Variants in WWOX observed in about 807,000 individuals in gnomAD.
WWOX encodes the protein WW domain containing oxidoreductase.
In WWOX, 69 loss-of-function variants were observed where a neutral mutation model predicts 46.2. The observed-to-expected ratio is 1.49, with a 90% CI of 1.23 to 1.82. WWOX has a LOEUF of 1.82. Ranked by LOEUF, WWOX falls within the 40% of genes most tolerant of loss-of-function variation. WWOX has a pLI of 0.00. For missense variants in WWOX, 919 were observed against 542.6 expected (o/e 1.69, Z -6.89); for synonymous variants, 359 against 202.6 (o/e 1.77, Z -6.56).
At chr16:78,219,359 G>A (rs973524109) in intron 5 of WWOX, among the ~76,000 whole-genome samples, 5 of 152,162 alleles carry the variant, frequency 3.3e-5, no homozygotes, top group Admixed American at 6.5e-5. Context: ...AGAAAAAGTC[G>A]TAGGTTATGA....
At chr16:78,777,633 A>G (rs917016674) in intron 8 of WWOX, among the ~76,000 whole-genome samples, 1 of 152,186 alleles carries the variant, frequency 6.6e-6, no homozygotes, top group Non-Finnish European at 1.5e-5. Flanking sequence ...TTTTTGCAAT[A>G]GTCAAAAAAG....
chr16:78,711,262 A>T (rs2048439065), intron 8 of WWOX, among the ~76,000 whole-genome samples: 2 of 152,218 alleles, frequency 1.3e-5, no homozygotes, highest in African/African-American at 4.8e-5. Context: ...ATGTGGATGT[A>T]TATATACGTT....
At chr16:78,800,986 C>A (rs896204330) in intron 8 of WWOX, among the ~76,000 whole-genome samples, 8 of 151,884 alleles carry the variant, frequency 5.3e-5, no homozygotes, top group African/African-American at 1.7e-4. Flanking sequence ...CAAACTATCA[C>A]CCCATGTAAT....
At chr16:78,576,439 G>T (rs1292866435) in intron 8 of WWOX, among the ~76,000 whole-genome samples, 1 of 152,208 alleles carries the variant, frequency 6.6e-6, no homozygotes, top group Non-Finnish European at 1.5e-5. Flanking sequence ...CTTGTCTGGA[G>T]GCGTTGGGCT....
intron 8 of WWOX, among the ~76,000 whole-genome samples, chr16:78,800,877 T>G (rs986416613): frequency 7.9e-5 from 12 of 152,236 alleles, no homozygotes; most frequent in African/African-American, 2.9e-4. Flanking sequence ...AGTCTGATAG[T>G]TTAGAAAGCT....
At chr16:78,451,159 C>T (rs902849885) in intron 8 of WWOX, among the ~76,000 whole-genome samples, 4 of 152,162 alleles carry the variant, frequency 2.6e-5, no homozygotes, top group Admixed American at 6.5e-5. Flanking sequence ...AGGCCGATTT[C>T]ATCCAAAGCC....
At chr16:78,545,259 C>G (rs749875844) in intron 8 of WWOX, among the ~76,000 whole-genome samples, 1 of 152,068 alleles carries the variant, frequency 6.6e-6, no homozygotes. Flanking sequence ...ATGTCCAGCC[C>G]CAACTCAGGG....
intron 8 of WWOX, among the ~76,000 whole-genome samples, chr16:78,515,718 C>A (rs1248888391): frequency 6.6e-6 from 1 of 152,184 alleles, no homozygotes; most frequent in Non-Finnish European, 1.5e-5. Context: ...CTGCGCGTTG[C>A]CCGTTGCCCT....
At chr16:78,929,313 C>T (rs1481806005) in intron 8 of WWOX, among the ~76,000 whole-genome samples, 3 of 151,720 alleles carry the variant, frequency 2.0e-5, no homozygotes, top group Admixed American at 2.0e-4. Flanking sequence ...CTCAAGTGTC[C>T]AATAAAAAGC....
At position 78,470,136 on chromosome 16, in the gene WWOX, C is replaced by G. The variant is rs187275057; in HGVS notation, c.1056+37384C>G. Among the ~76,000 whole-genome samples the G allele has an allele frequency of 8.2e-3, 1,245 of 152,296 alleles. 15 individuals carry two copies. The highest frequency in any genetic ancestry group is 8.9e-3 in the Non-Finnish European group (604 of 68,034). The stretch of plus-strand genomic sequence containing the variant: ...CTCAAGCTCTTTTCATCTTGTGGCT[C>G]AGCCGTCTGACACATGTGGCTTCCA... On this transcript the variant is annotated intron_variant, in intron 8 of 8. Coordinates refer to ENST00000566780, the MANE Select transcript of WWOX (RefSeq NM_016373.4).
intron 8 of WWOX, among the ~76,000 whole-genome samples, chr16:78,533,422 A>G (rs919486288): frequency 3.3e-5 from 5 of 151,960 alleles, no homozygotes; most frequent in African/African-American, 1.2e-4. Flanking sequence ...AAAAAAAAAA[A>G]AAATCCCCAA....
intron 4 of WWOX, among the ~76,000 whole-genome samples, chr16:78,163,286 T>A (rs2034858140): frequency 6.6e-6 from 1 of 152,226 alleles, no homozygotes; most frequent in African/African-American, 2.4e-5. Context: ...ATCACTTTAA[T>A]CAAACTAGGA....
intron 8 of WWOX, among the ~76,000 whole-genome samples, chr16:79,038,908 G>A (rs571364983): frequency 2.6e-5 from 4 of 152,152 alleles, no homozygotes; most frequent in Non-Finnish European, 4.4e-5. Flanking sequence ...AGCATACATA[G>A]AGGATAACTT....
intron 8 of WWOX, among the ~76,000 whole-genome samples, chr16:78,751,856 GA>G (rs1299919248): frequency 6.6e-6 from 1 of 151,980 alleles, no homozygotes; most frequent in Non-Finnish European, 1.5e-5. Context: ...GGGAAGGTAA[GA>G]AAGAAATTAA....
At chr16:78,812,445 G>A (rs1387928965) in intron 8 of WWOX, among the ~76,000 whole-genome samples, 1 of 151,996 alleles carries the variant, frequency 6.6e-6, no homozygotes, top group African/African-American at 2.4e-5. Context: ...TATCTGACTG[G>A]GCATGGTGGC....
intron 8 of WWOX, among the ~76,000 whole-genome samples, chr16:78,760,951 G>A (rs1334262500): frequency 4.6e-5 from 7 of 152,068 alleles, no homozygotes; most frequent in African/African-American, 7.2e-5. Context: ...GGGAAACTCC[G>A]CTTTATAATA....
intron 8 of WWOX, among the ~76,000 whole-genome samples, chr16:78,497,232 AT>A (rs11299490): frequency 0.74 from 112,777 of 152,020 alleles, 44,245 homozygotes; most frequent in Admixed American, 0.86. Flanking sequence ...GCACATACTC[AT>A]TTTTTTGCTC....
intron 7 of WWOX, among the ~76,000 whole-genome samples, chr16:78,426,884 G>C (rs951996965): frequency 2.6e-5 from 4 of 152,130 alleles, no homozygotes; most frequent in Non-Finnish European, 4.4e-5. Flanking sequence ...GGATGGTCTC[G>C]ATCTCTTGAC....
At chr16:78,129,176 C>G (rs2033487318) in intron 4 of WWOX, among the ~76,000 whole-genome samples, 1 of 152,082 alleles carries the variant, frequency 6.6e-6, no homozygotes, top group Non-Finnish European at 1.5e-5. Context: ...CCCAGTGTTT[C>G]TTTTTTATTT....
Sources: allele counts gnomAD v4.1 joint callset (sites outside exome capture counted in the v4.1 genomes callset), GRCh38; gene constraint gnomAD v4.1.1; transcripts MANE v1.5; gene names NCBI Gene and HGNC (gene_info 2026-07-23, HGNC 2026-07-21).